CLDN14: variants seen among roughly 807,000 people sequenced by gnomAD.
CLDN14 encodes the protein claudin-14.
CLDN14 carries 2 observed loss-of-function variants against 2.1 expected under a neutral mutation model. That is an observed-to-expected ratio of 0.96 (90% CI 0.39 to 3.01). The LOEUF (loss-of-function observed/expected upper bound fraction) is 3.01. Among genes scored for constraint, CLDN14 ranks in the 30% most tolerant of loss-of-function variants. CLDN14 has a pLI of 0.09. For synonymous variants in CLDN14, 136 were observed against 154.4 expected (o/e 0.88, Z 0.88); for missense variants, 298 against 328.0 (o/e 0.91, Z 0.71).
In CLDN14 at chr21:36,485,921, C is replaced by T. The variant is rs777302905; in HGVS notation, c.-81-24145G>A. Reference sequence around the variant, plus strand: ...TGGTTACAGATAACACACATCTAACCCTATATTCTCTGCGTCCCATGCAGT... The same window carrying T: ...TGGTTACAGATAACACACATCTAACTCTATATTCTCTGCGTCCCATGCAGT... On this transcript the variant is annotated intron_variant, in intron 2 of 2. Transcript: ENST00000342108. 15 of 954,462 alleles carry T rather than the reference C, an allele frequency of 1.6e-5. No individual in the cohort carries two copies. The East Asian group carries it at 3.0e-4, about 19-fold the overall frequency. The allele number at this position is 954,462 out of a possible 1,614,324, so 59.1% of individuals were successfully genotyped here.
chr21:36,565,421 C>CTTTT (rs35387904), intron 1 of CLDN14, among the ~76,000 whole-genome samples: 1 of 149,642 alleles, frequency 6.7e-6, no homozygotes, highest in Admixed American at 6.6e-5. Flanking sequence ...TTTCCCAAAT[C>CTTTT]TTTTTTTTTT....
At chr21:36,502,366 T>C (rs1361402802) in intron 2 of CLDN14, among the ~76,000 whole-genome samples, 1 of 152,188 alleles carries the variant, frequency 6.6e-6, no homozygotes. Context: ...CACATTATAC[T>C]ACTGGACCAG....
chr21:36,530,424 C>T (rs538986946), intron 1 of CLDN14, among the ~76,000 whole-genome samples: 30 of 152,382 alleles, frequency 2.0e-4, no homozygotes, highest in African/African-American at 7.0e-4. Context: ...TGCCTTAAAC[C>T]AGCTCACATG....
At chr21:36,554,393 AC>A (rs1344454050) in intron 1 of CLDN14, among the ~76,000 whole-genome samples, 1 of 152,146 alleles carries the variant, frequency 6.6e-6, no homozygotes, top group Non-Finnish European at 1.5e-5. Flanking sequence ...TCCAGGTACA[AC>A]CACAACACAG....
chr21:36,522,812 T>C (rs180773691), intron 1 of CLDN14, among the ~76,000 whole-genome samples: 1 of 152,256 alleles, frequency 6.6e-6, no homozygotes, highest in East Asian at 1.9e-4. Flanking sequence ...CATTCCATTT[T>C]AATTATCCGC....
chr21:36,488,742 G>T (rs1450466220), intron 2 of CLDN14, among the ~76,000 whole-genome samples: 1 of 152,120 alleles, frequency 6.6e-6, no homozygotes, highest in Admixed American at 6.5e-5. Context: ...GTGGATGGCT[G>T]CATGATATGC....
intron 1 of CLDN14, among the ~76,000 whole-genome samples, chr21:36,467,350 G>T (rs2086659282): frequency 6.6e-6 from 1 of 152,148 alleles, no homozygotes; most frequent in Non-Finnish European, 1.5e-5. Context: ...GCCTGGCCAG[G>T]ACTGAGGGGT....
At chr21:36,527,308 G>A (rs1163045617) in intron 1 of CLDN14, among the ~76,000 whole-genome samples, 2 of 152,180 alleles carry the variant, frequency 1.3e-5, no homozygotes, top group Non-Finnish European at 2.9e-5. Context: ...TTGTTGCCGG[G>A]AGTGACTGAT....
chr21:36,493,868 G>A (rs2086991362), intron 2 of CLDN14, among the ~76,000 whole-genome samples: 1 of 152,170 alleles, frequency 6.6e-6, no homozygotes, highest in African/African-American at 2.4e-5. Flanking sequence ...TGGTGTGGAG[G>A]GGACCCAGGA....
intron 1 of CLDN14, among the ~76,000 whole-genome samples, chr21:36,556,669 C>T (rs527487441): frequency 1.3e-5 from 2 of 152,290 alleles, no homozygotes; most frequent in East Asian, 3.9e-4. Context: ...AAGGTACCAG[C>T]TCCCGTGAAT....
At chr21:36,495,253 C>T (rs1159118753) in intron 2 of CLDN14, among the ~76,000 whole-genome samples, 5 of 152,134 alleles carry the variant, frequency 3.3e-5, no homozygotes, top group African/African-American at 9.7e-5. Flanking sequence ...TGTTTGAACC[C>T]GGGAGGCGGA....
chr21:36,528,687 A>T (rs1426678953), intron 1 of CLDN14, among the ~76,000 whole-genome samples: 1 of 152,228 alleles, frequency 6.6e-6, no homozygotes, highest in Non-Finnish European at 1.5e-5. Flanking sequence ...TCCTGCAGAC[A>T]GTGATGCACC....
At chr21:36,548,471 G>A (rs398591) in intron 1 of CLDN14, among the ~76,000 whole-genome samples, 126,592 of 152,130 alleles carry the variant, frequency 0.83, 53,176 homozygotes, top group Non-Finnish European at 0.9. Flanking sequence ...GCATCAATAC[G>A]CAGCTCATCG....
rs1300126869 is a variant in CLDN14, at chr21:36,498,851, G to C, written c.-82+11512C>G. Among the ~76,000 whole-genome samples the C allele has an allele frequency of 1.3e-5, 2 of 152,112 alleles. No individual in the cohort carries two copies. The highest frequency in any genetic ancestry group is 4.8e-5 in the African/African-American group (2 of 41,408). ...TGGCCGCTGAGGGGCCCTCATGGGG[G>C]CTGAAATTCAACCAAGGCTTGATTC... On this transcript the variant is annotated intron_variant, in intron 2 of 2. Coordinates refer to the CLDN14 transcript ENST00000342108. The surrounding 1 kb of genome is among the most constrained non-coding windows in gnomAD (Gnocchi z 4.9).
In CLDN14 at chr21:36,519,763, C is replaced by T. The variant is rs145505118; in HGVS notation, c.-219-9263G>A. ...CCCCAAAAACAAAAAAACCCACAAC[C>T]TATTGTCCAGTCAAGTCTTTCTTGC... On this transcript the variant is annotated intron_variant, in intron 1 of 2. Transcript: ENST00000342108. Among the ~76,000 whole-genome samples, 1,080 of 152,064 alleles carry T rather than the reference C, an allele frequency of 7.1e-3. 7 individuals are homozygous for T. Among genetic ancestry groups the T allele is most frequent in the African/African-American group, 0.025 (1,018 of 41,512 alleles).
At chr21:36,549,908 C>T (rs1003218122) in intron 1 of CLDN14, among the ~76,000 whole-genome samples, 3 of 152,236 alleles carry the variant, frequency 2.0e-5, no homozygotes, top group Non-Finnish European at 4.4e-5. Flanking sequence ...ACGGATGACG[C>T]TTGAAAGCCC....
intron 1 of CLDN14, among the ~76,000 whole-genome samples, chr21:36,565,287 G>A (rs1032571399): frequency 6.6e-6 from 1 of 152,194 alleles, no homozygotes; most frequent in Non-Finnish European, 1.5e-5. Context: ...GCTGCTGTGA[G>A]AATGGGCATG....
chr21:36,464,681 C>T (rs916948031), intron 1 of CLDN14, among the ~76,000 whole-genome samples: 25 of 152,230 alleles, frequency 1.6e-4, no homozygotes, highest in African/African-American at 5.8e-4. Context: ...ACCCTGAGCA[C>T]ACCGATGGCA....
chr21:36,555,563 T>C (rs1160262131), intron 1 of CLDN14, among the ~76,000 whole-genome samples: 2 of 152,130 alleles, frequency 1.3e-5, no homozygotes, highest in South Asian at 2.1e-4. Context: ...GCTGGGGTGA[T>C]GGATGGATGT....
Sources: allele counts gnomAD v4.1 joint callset (sites outside exome capture counted in the v4.1 genomes callset), GRCh38; gene constraint gnomAD v4.1.1; non-coding constraint Gnocchi (gnomAD v3.1); transcripts MANE v1.5; gene names NCBI Gene and HGNC (gene_info 2026-07-23, HGNC 2026-07-21).